ZNF81: variants seen among roughly 807,000 people sequenced by gnomAD.
The protein encoded by ZNF81 is zinc finger protein 81, also known as zinc finger protein 81 (HFZ20).
In ZNF81, 5 loss-of-function variants were observed where a neutral mutation model predicts 32.3. The observed-to-expected ratio is 0.15, with a 90% CI of 0.08 to 0.33. The LOEUF (loss-of-function observed/expected upper bound fraction) is 0.33, where lower values mean the gene tolerates loss of function less well. ZNF81 is among the 10% of genes least tolerant of loss of function. ZNF81 has a pLI of 1.00. For missense variants in ZNF81, 379 were observed against 479.8 expected, an observed-to-expected ratio of 0.79 and a Z score of 1.96; for synonymous variants, 163 against 166.8, an observed-to-expected ratio of 0.98 and a Z score of 0.17.
At chrX:47,884,546 G>A (rs2058634209) in intron 2 of ZNF81, among the ~76,000 whole-genome samples, 1 of 111,535 alleles carries the variant, frequency 9.0e-6, no homozygotes, top group African/African-American at 3.3e-5. Context: ...AGGCTGTTGT[G>A]CTGAGTGATT....
intron 1 of ZNF81, chrX:47,841,035 G>T: frequency 1.2e-6 from 1 of 859,710 alleles, no homozygotes; most frequent in Non-Finnish European, 1.7e-6. Flanking sequence ...CCTTGAGGAA[G>T]CCTACTCTAT....
intron 3 of ZNF81, among the ~76,000 whole-genome samples, chrX:47,891,008 TTATCTCATTAGTGTCATGGACCAGTGTGA>T (rs1425087449): frequency 2.2e-4 from 25 of 111,982 alleles, no homozygotes; most frequent in African/African-American, 7.8e-4. Context: ...CCAATCAGCA[TTATCTCATTAGTGTCATGGACCAGTGTGA>T]TATCTTGTGG....
chrX:47,918,127 A>T lies in ZNF81; in HGVS notation c.*1495A>T, dbSNP rs1556891330. ...AGTTTGCTTCTTTTAGCTGCATATG[A>T]TACGATACAGAAAGAGAGAAATGAA... is the stretch of plus-strand genomic sequence containing the variant. On this transcript the variant is annotated 3_prime_UTR_variant, in exon 5 of 5. Coordinates refer to ENST00000338637, the MANE Select transcript of ZNF81 (RefSeq NM_007137.5). The T allele has an allele frequency of 9.0e-6, 1 of 110,955 alleles. No individual in the cohort carries two copies. The highest frequency in any genetic ancestry group is 3.3e-5 in the African/African-American group (1 of 30,556). 9.1% of individuals were successfully genotyped at this position (110,955 alleles called of 1,213,427 possible).
chrX:47,911,483 G>C (rs1254469139), intron 4 of ZNF81, among the ~76,000 whole-genome samples: 6 of 108,187 alleles, frequency 5.5e-5, no homozygotes, highest in African/African-American at 2.2e-4. Context: ...GAAAGTCTCT[G>C]AAAGTAAGAG....
intron 2 of ZNF81, among the ~76,000 whole-genome samples, chrX:47,887,531 A>C (rs147426484): frequency 5.4e-5 from 6 of 111,991 alleles, no homozygotes; most frequent in African/African-American, 1.9e-4. Context: ...CATACAGAGT[A>C]TACTTTCTGA....
rs1352543859 is a variant in ZNF81 at position 47,919,304 on chromosome X, A to G, written c.*2672A>G. On this transcript the variant is annotated 3_prime_UTR_variant, in exon 5 of 5. Coordinates refer to ENST00000338637, the MANE Select transcript of ZNF81 (RefSeq NM_007137.5). ...GATAATTTCTATTGATCTGTCTTCA[A>G]ATTCACTGATGTTTTTTCTCTCACC... 1 of 288,814 alleles carries G rather than the reference A, an allele frequency of 3.5e-6. No homozygotes were observed. Among genetic ancestry groups the G allele is most frequent in the African/African-American group, 2.7e-5 (1 of 36,452 alleles). 23.8% of individuals were successfully genotyped at this position (288,814 alleles called of 1,213,427 possible).
At position 47,845,177 on chromosome X, in the gene ZNF81, C is replaced by T. The variant is rs191573116; in HGVS notation, c.-163-928C>T. On this transcript the variant is annotated intron_variant, in intron 1 of 4. Coordinates refer to ENST00000338637, the MANE Select transcript of ZNF81 (RefSeq NM_007137.5). ...TTTATTTTACTCTTTATTTATTTTA[C>T]TTTCTCTTTTCCTCTTCATCCCATT... 6.3e-5 allele frequency among the ~76,000 whole-genome samples: 7 copies of T among 110,949 alleles called. No individual in the cohort carries two copies. In the South Asian group the frequency reaches 1.5e-3, roughly 24 times the overall value.
intron 4 of ZNF81, among the ~76,000 whole-genome samples, chrX:47,902,755 G>A (rs1161852002): frequency 2.7e-5 from 3 of 111,701 alleles, no homozygotes; most frequent in African/African-American, 9.8e-5. Context: ...AGTGAAAATC[G>A]ACACATCAGA....
chrX:47,854,829 C>G (rs1232927296), intron 2 of ZNF81, among the ~76,000 whole-genome samples: 1 of 112,065 alleles, frequency 8.9e-6, no homozygotes, highest in Non-Finnish European at 1.9e-5. Flanking sequence ...GGCGCGGCGG[C>G]TCACGCCTGT....
At chrX:47,850,346 T>C (rs1372974532) in intron 2 of ZNF81, among the ~76,000 whole-genome samples, 4 of 60,306 alleles carry the variant, frequency 6.6e-5, no homozygotes, top group Admixed American at 2.4e-4. Flanking sequence ...GACCCATCTC[T>C]TAAAAAAAAA....
chrX:47,898,031 G>T (rs1556887452), intron 4 of ZNF81, among the ~76,000 whole-genome samples: 11 of 111,830 alleles, frequency 9.8e-5, no homozygotes. Context: ...GGTCAGTTGG[G>T]ATCTAGAAGG....
chrX:47,841,172 C>T, intron 1 of ZNF81: 1 of 778,048 alleles, frequency 1.3e-6, no homozygotes, highest in Non-Finnish European at 2.0e-6. Context: ...CCAAACTTCC[C>T]CAGGTGCTCC....
At chrX:47,913,243 A>G (rs782626296) in intron 4 of ZNF81, among the ~76,000 whole-genome samples, 1 of 112,257 alleles carries the variant, frequency 8.9e-6, no homozygotes, top group Admixed American at 9.4e-5. Flanking sequence ...TATAACAGAA[A>G]AAAAAAGTTC....
intron 3 of ZNF81, among the ~76,000 whole-genome samples, chrX:47,893,876 T>A (rs1335898671): frequency 2.7e-5 from 3 of 110,373 alleles, no homozygotes; most frequent in Non-Finnish European, 3.8e-5. Flanking sequence ...GTTGGACTCA[T>A]CAATGGGTCC....
At chrX:47,893,239 G>C (rs1375591040) in intron 3 of ZNF81, among the ~76,000 whole-genome samples, 2 of 110,314 alleles carry the variant, frequency 1.8e-5, no homozygotes, top group Non-Finnish European at 3.8e-5. Context: ...GTAGGAGTTT[G>C]AAGAGTGACC....
At chrX:47,870,229 A>G (rs782144013) in intron 2 of ZNF81, among the ~76,000 whole-genome samples, 6 of 112,096 alleles carry the variant, frequency 5.4e-5, no homozygotes, top group Non-Finnish European at 1.1e-4. Flanking sequence ...AGAAGATTCA[A>G]TTAAGTTAGG....
intron 4 of ZNF81, among the ~76,000 whole-genome samples, chrX:47,907,864 G>T (rs1191678659): frequency 8.9e-6 from 1 of 111,851 alleles, no homozygotes; most frequent in Non-Finnish European, 1.9e-5. Flanking sequence ...CAAAATCTTA[G>T]TAGTATTTCT....
chrX:47,881,572 A>G (rs2058620913), intron 2 of ZNF81, among the ~76,000 whole-genome samples: 2 of 111,197 alleles, frequency 1.8e-5, no homozygotes, highest in South Asian at 7.5e-4. Flanking sequence ...TTAATTCACC[A>G]TGTATTTTCC....
chrX:47,871,089 GT>G (rs1280245927), intron 2 of ZNF81, among the ~76,000 whole-genome samples: 9 of 111,698 alleles, frequency 8.1e-5, no homozygotes, highest in Admixed American at 9.5e-5. Context: ...GTTAACCGTA[GT>G]TTTTACAGCC....
Sources: gnomAD v4.1 joint callset for allele counts (sites outside exome capture counted in the v4.1 genomes callset) on GRCh38, gnomAD v4.1.1 for gene constraint, MANE v1.5 for transcripts, NCBI Gene and HGNC (gene_info 2026-07-23, HGNC 2026-07-21) for gene names.